The following NUBPL variants were observed in gnomAD, a reference collection of about 807,000 sequenced individuals.
NUBPL encodes NUBP iron-sulfur cluster assembly factor, mitochondrial, also known as iron-sulfur cluster transfer protein NUBPL.
In NUBPL, 31 loss-of-function variants were observed where a neutral mutation model predicts 45.7. The observed-to-expected ratio is 0.68, with a 90% CI of 0.51 to 0.92. The LOEUF is 0.92. Ranked by LOEUF, NUBPL falls within the 40% of genes least tolerant of loss-of-function variation. NUBPL has a pLI of 0.00. For missense variants in NUBPL, 401 were observed against 398.7 expected, an observed-to-expected ratio of 1.01 and a Z score of -0.05; for synonymous variants, 144 against 140.9, an observed-to-expected ratio of 1.02 and a Z score of -0.15.
chr14:31,822,423 T>C (rs371372345), intron 7 of NUBPL, among the ~76,000 whole-genome samples: 6 of 152,172 alleles, frequency 3.9e-5, no homozygotes, highest in Non-Finnish European at 5.9e-5. Context: ...TATGCATTAT[T>C]TTCTTATAAA....
chr14:31,716,140 A>T (rs1233198999), intron 6 of NUBPL, among the ~76,000 whole-genome samples: 1 of 152,188 alleles, frequency 6.6e-6, no homozygotes, highest in Non-Finnish European at 1.5e-5. Context: ...GTCTTCAGGG[A>T]CAGTAACATG....
chr14:31,611,730 C>T (rs772310168), intron 4 of NUBPL, among the ~76,000 whole-genome samples: 5 of 151,940 alleles, frequency 3.3e-5, no homozygotes, highest in East Asian at 1.9e-4. Flanking sequence ...GACACACAGA[C>T]GAATAGAACC....
chr14:31,593,373 G>T (rs926777304), intron 3 of NUBPL, among the ~76,000 whole-genome samples: 1 of 151,830 alleles, frequency 6.6e-6, no homozygotes, highest in African/African-American at 2.4e-5. Context: ...AATTAGCCGG[G>T]TGTGCTGGGG....
intron 6 of NUBPL, among the ~76,000 whole-genome samples, chr14:31,779,412 C>G (rs545090049): frequency 5.3e-5 from 8 of 152,064 alleles, no homozygotes; most frequent in African/African-American, 1.9e-4. Context: ...TTGAAGAGAG[C>G]CGTGACAGAG....
intron 6 of NUBPL, among the ~76,000 whole-genome samples, chr14:31,722,201 G>A (rs955991653): frequency 4.6e-5 from 7 of 151,924 alleles, no homozygotes; most frequent in Non-Finnish European, 5.9e-5. Context: ...TAGTAGAGAC[G>A]GGTTTTCACT....
At chr14:31,626,299 G>A (rs2035205225) in intron 4 of NUBPL, among the ~76,000 whole-genome samples, 1 of 151,822 alleles carries the variant, frequency 6.6e-6, no homozygotes, top group African/African-American at 2.4e-5. Flanking sequence ...TAGTCCCAGC[G>A]CCTGGCTAAT....
At position 31,807,307 on chromosome 14, in the gene NUBPL, T is replaced by C. The variant is rs189602054; in HGVS notation, c.608-19322T>C. Among the ~76,000 whole-genome samples the C allele has an allele frequency of 3.3e-4, 50 of 152,032 alleles. 1 individual carries two copies. Among genetic ancestry groups the C allele is most frequent in the African/African-American group, 1.2e-3 (48 of 41,468 alleles). ...TGTTGTTTCCTGACTTTTTAATGATTGCCATTCTAACTGGTGTGAGGTGGT... is the reference window on the plus strand; with the variant it reads ...TGTTGTTTCCTGACTTTTTAATGATCGCCATTCTAACTGGTGTGAGGTGGT... On this transcript the variant is annotated intron_variant, in intron 7 of 10. Coordinates refer to ENST00000281081, the MANE Select transcript of NUBPL (RefSeq NM_025152.3).
At chr14:31,817,916 A>G (rs1380845759) in intron 7 of NUBPL, among the ~76,000 whole-genome samples, 1 of 152,140 alleles carries the variant, frequency 6.6e-6, no homozygotes, top group African/African-American at 2.4e-5. Flanking sequence ...CAGGAGACCC[A>G]TTTCATGTGC....
chr14:31,638,668 A>G (rs2035583654), intron 4 of NUBPL, among the ~76,000 whole-genome samples: 1 of 152,200 alleles, frequency 6.6e-6, no homozygotes, highest in Admixed American at 6.5e-5. Flanking sequence ...CTCCAGGATA[A>G]CATCCTGCAG....
chr14:31,785,112 CT>C (rs1304370836), intron 6 of NUBPL, among the ~76,000 whole-genome samples: 2 of 152,200 alleles, frequency 1.3e-5, no homozygotes, highest in Admixed American at 6.5e-5. Context: ...TCTACACCGT[CT>C]GACCTTGGGG....
chr14:31,817,811 T>C (rs1443673418), intron 7 of NUBPL, among the ~76,000 whole-genome samples: 2 of 152,138 alleles, frequency 1.3e-5, no homozygotes, highest in African/African-American at 4.8e-5. Flanking sequence ...CAAATAACTG[T>C]ATTAACCTTA....
chr14:31,831,323 G>A (rs2040186589), intron 8 of NUBPL, among the ~76,000 whole-genome samples: 2 of 152,056 alleles, frequency 1.3e-5, no homozygotes, highest in African/African-American at 2.4e-5. Flanking sequence ...GATTACAGAT[G>A]TGAGCCACGG....
intron 9 of NUBPL, 129 bp from the exon 10 acceptor site, chr14:31,849,990 C>A: frequency 1.4e-6 from 1 of 710,492 alleles, no homozygotes; most frequent in African/African-American, 1.8e-5. Context: ...AAAGATTTAG[C>A]AATTAGAAGA....
intron 8 of NUBPL, among the ~76,000 whole-genome samples, chr14:31,841,917 C>CTTTTGTTTTTTTTTTTGTTTTTTT: frequency 7.0e-5 from 3 of 43,036 alleles, no homozygotes; most frequent in Non-Finnish European, 1.3e-4. Context: ...CGATTCTGGG[C>CTTTTGTTTTTTTTTTTGTTTTTTT]TTTTTTTTTT....
At chr14:31,800,220 AC>A (rs1277852702) in intron 7 of NUBPL, among the ~76,000 whole-genome samples, 1 of 152,080 alleles carries the variant, frequency 6.6e-6, no homozygotes, top group Admixed American at 6.6e-5. Context: ...GAAATCTTGA[AC>A]CCCCAAAAGT....
At chr14:31,779,662 A>G (rs1374838388) in intron 6 of NUBPL, among the ~76,000 whole-genome samples, 3 of 152,234 alleles carry the variant, frequency 2.0e-5, no homozygotes, top group Non-Finnish European at 2.9e-5. Context: ...ATTGGGATTT[A>G]GTTATAACCA....
intron 7 of NUBPL, among the ~76,000 whole-genome samples, chr14:31,790,324 T>A (rs963644598): frequency 2.6e-5 from 4 of 152,232 alleles, no homozygotes; most frequent in African/African-American, 9.6e-5. Context: ...CTTTCTTACA[T>A]CCTAACATTT....
chr14:31,730,850 A>T (rs1365849443), intron 6 of NUBPL, among the ~76,000 whole-genome samples: 1 of 152,170 alleles, frequency 6.6e-6, no homozygotes, highest in Non-Finnish European at 1.5e-5. Flanking sequence ...TTCTCTTTGG[A>T]AGAGGACGTT....
chr14:31,592,740 A>G (rs753189083), intron 3 of NUBPL, among the ~76,000 whole-genome samples: 1 of 152,072 alleles, frequency 6.6e-6, no homozygotes, highest in Non-Finnish European at 1.5e-5. Flanking sequence ...TGTATTATCT[A>G]TATTTCTGTT....
Sources: allele counts gnomAD v4.1 joint callset (sites outside exome capture counted in the v4.1 genomes callset), GRCh38; gene constraint gnomAD v4.1.1; transcripts MANE v1.5; gene names NCBI Gene and HGNC (gene_info 2026-07-23, HGNC 2026-07-21).